Variants in PLSCR2 observed in about 807,000 individuals in gnomAD.
PLSCR2 encodes phospholipid scramblase 2, also known as PL scramblase 2.
PLSCR2 carries 18 observed loss-of-function variants against 25.3 expected under a neutral mutation model. That is an observed-to-expected ratio of 0.71 (90% CI 0.49 to 1.06). PLSCR2 has a LOEUF of 1.06. Ranked by LOEUF, PLSCR2 falls within the 50% of genes least tolerant of loss-of-function variation. The probability of loss-of-function intolerance (pLI) is 0.00; values close to 1 mark genes in which losing one functional copy is unlikely to be tolerated. For synonymous variants in PLSCR2, 88 were observed against 87.3 expected, an observed-to-expected ratio of 1.01 and a Z score of -0.04; for missense variants, 243 against 269.5, an observed-to-expected ratio of 0.90 and a Z score of 0.69.
At chr3:146,468,762 A>G (rs980185094) in intron 1 of PLSCR2, among the ~76,000 whole-genome samples, 3 of 152,196 alleles carry the variant, frequency 2.0e-5, no homozygotes, top group African/African-American at 7.2e-5. Flanking sequence ...CTGAATTGAA[A>G]TTATTCATGA....
chr3:146,452,339 T>G (rs2040952490), intron 5 of PLSCR2, among the ~76,000 whole-genome samples: 2 of 152,194 alleles, frequency 1.3e-5, no homozygotes. Context: ...TTAATACTAA[T>G]AATTGGTAAA....
At chr3:146,416,309 T>C (rs145537409) in intron 2 of PLSCR2, among the ~76,000 whole-genome samples, 36 of 152,192 alleles carry the variant, frequency 2.4e-4, no homozygotes, top group African/African-American at 8.2e-4. Context: ...TGTAACAATA[T>C]TATAATATGT....
At chr3:146,489,055 C>T (rs904469352) in intron 1 of PLSCR2, among the ~76,000 whole-genome samples, 1 of 152,064 alleles carries the variant, frequency 6.6e-6, no homozygotes, top group African/African-American at 2.4e-5. Context: ...TCTCAGCAAA[C>T]AAACACAGGA....
rs55709265 is a variant in PLSCR2, at chr3:146,394,341, C to T, written c.*145+1419G>A. 3.1e-3 allele frequency among the ~76,000 whole-genome samples: 470 copies of T among 152,030 alleles called. 2 individuals carry two copies. Among genetic ancestry groups the T allele is most frequent in the Non-Finnish European group, 5.3e-3 (358 of 67,986 alleles). On this transcript the variant is annotated intron_variant and NMD_transcript_variant, in intron 3 of 3. Transcript: ENST00000463633. ...GGAGTGCAGTGGTGCAATCTCAGCT[C>T]ACCGCAACCTCTGCCTCCTGGGTTC...
At chr3:146,418,048 C>G (rs1172568436) in intron 2 of PLSCR2, among the ~76,000 whole-genome samples, 1 of 152,100 alleles carries the variant, frequency 6.6e-6, no homozygotes, top group East Asian at 1.9e-4. Context: ...CTTGTAATTA[C>G]ATTTGATCCA....
chr3:146,427,827 T>C (rs1047461612), intron 2 of PLSCR2, among the ~76,000 whole-genome samples: 1 of 152,194 alleles, frequency 6.6e-6, no homozygotes, highest in Admixed American at 6.5e-5. Flanking sequence ...ATTTTGTTCA[T>C]TATTGAGGTC....
chr3:146,447,463 C>T (rs973473162), intron 6 of PLSCR2, among the ~76,000 whole-genome samples: 1 of 152,210 alleles, frequency 6.6e-6, no homozygotes, highest in African/African-American at 2.4e-5. Context: ...AGGTTCCCTT[C>T]TGGCCAGCAG....
At chr3:146,455,194 C>A in intron 4 of PLSCR2, 45 bp downstream of exon 4, 1 of 1,275,948 alleles carries the variant, frequency 7.8e-7, no homozygotes, top group Non-Finnish European at 1.1e-6. Flanking sequence ...GGTGGAAATC[C>A]TTGCTGAACT....
downstream of PLSCR2, among the ~76,000 whole-genome samples, chr3:146,432,139 A>T (rs902353984): frequency 2.6e-4 from 39 of 152,284 alleles, no homozygotes; most frequent in African/African-American, 9.4e-4. Flanking sequence ...ACCTTTAATT[A>T]ATTTATTTAC....
intron 1 of PLSCR2, 122 bp downstream of exon 1, chr3:146,469,373 C>T (rs574318): frequency 2.1e-6 from 2 of 956,540 alleles, no homozygotes; most frequent in Non-Finnish European, 2.5e-6. Flanking sequence ...TCGCTTCCCG[C>T]GGCCCATTGG....
At chr3:146,454,470 C>T (rs1051148417) in intron 4 of PLSCR2, among the ~76,000 whole-genome samples, 5 of 152,068 alleles carry the variant, frequency 3.3e-5, no homozygotes, top group African/African-American at 1.2e-4. Context: ...AAAATAAGTG[C>T]AGTATTAGAC....
intron 2 of PLSCR2, among the ~76,000 whole-genome samples, chr3:146,409,462 T>G (rs1365563422): frequency 6.6e-6 from 1 of 152,084 alleles, no homozygotes; most frequent in African/African-American, 2.4e-5. Context: ...GAATGACACA[T>G]GAGCAGAGCC....
At chr3:146,482,244 G>C (rs756374623) in intron 1 of PLSCR2, among the ~76,000 whole-genome samples, 1 of 152,130 alleles carries the variant, frequency 6.6e-6, no homozygotes, top group Admixed American at 6.5e-5. Flanking sequence ...TTAAACTAAA[G>C]AGCTTCTGTA....
At chr3:146,416,249 C>T (rs1030527934) in intron 2 of PLSCR2, among the ~76,000 whole-genome samples, 1 of 151,716 alleles carries the variant, frequency 6.6e-6, no homozygotes, top group African/African-American at 2.4e-5. Context: ...TGCATCTGGC[C>T]AAAAGTAGGC....
chr3:146,459,710 G>T, intron 2 of PLSCR2, 138 bp downstream of exon 2: 1 of 619,740 alleles, frequency 1.6e-6, no homozygotes, highest in Non-Finnish European at 2.8e-6. Context: ...TTAACAGAAT[G>T]TGCTGTTTAC....
chr3:146,393,075 C>CTGGAGTGT (rs2038145416), intron 3 of PLSCR2, among the ~76,000 whole-genome samples: 1 of 130,666 alleles, frequency 7.7e-6, no homozygotes, highest in Non-Finnish European at 1.5e-5. Context: ...GTTGTCCAGG[C>CTGGAGTGT]TGGAGTGTAG....
rs1423494647 is a variant in PLSCR2, at chr3:146,404,828, G to GGT, written c.101-8908_101-8907insAC. Among the ~76,000 whole-genome samples the GGT allele has an allele frequency of 6.2e-4, 93 of 150,438 alleles. 2 individuals are homozygous for GGT. In the South Asian group the frequency reaches 0.013, roughly 20 times the overall value. On this transcript the variant is annotated intron_variant and NMD_transcript_variant, in intron 2 of 3. Transcript: ENST00000463633. ...AATAGGCAAAAAAAAAAAAGGGGGG[G>GGT]GGTGGTGGTTAACTGGTCCCAGGTA...
chr3:146,456,017 C>A (rs1475821136), intron 3 of PLSCR2, among the ~76,000 whole-genome samples: 1 of 152,108 alleles, frequency 6.6e-6, no homozygotes, highest in African/African-American at 2.4e-5. Flanking sequence ...AAGATCACAT[C>A]GGACTCAGGG....
At chr3:146,460,865 C>T (rs1464956086), upstream of PLSCR2, among the ~76,000 whole-genome samples, 3 of 152,196 alleles carry the variant, frequency 2.0e-5, no homozygotes, top group Non-Finnish European at 4.4e-5. Flanking sequence ...GCGTGTTCCT[C>T]TCCTGTTTCC....
Sources: allele counts gnomAD v4.1 joint callset (sites outside exome capture counted in the v4.1 genomes callset), GRCh38; gene constraint gnomAD v4.1.1; transcripts MANE v1.5; gene names NCBI Gene and HGNC (gene_info 2026-07-23, HGNC 2026-07-21).